Variants in TMEM143 observed in about 807,000 individuals in gnomAD.
The protein encoded by TMEM143 is transmembrane protein 143.
In TMEM143, 45 loss-of-function variants were observed where a neutral mutation model predicts 40.3. The observed-to-expected ratio is 1.12, with a 90% CI of 0.88 to 1.43. TMEM143 has a LOEUF of 1.43. Ranked by LOEUF, TMEM143 falls within the 40% of genes most tolerant of loss-of-function variation. The pLI, the probability that TMEM143 is intolerant of heterozygous loss-of-function variation, is 0.00. For synonymous variants in TMEM143, 299 were observed against 282.7 expected (o/e 1.06, Z -0.58); for missense variants, 620 against 613.4 (o/e 1.01, Z -0.11).
At chr19:48,355,669 G>A (rs1202181023) in intron 3 of TMEM143, among the ~76,000 whole-genome samples, 2 of 152,228 alleles carry the variant, frequency 1.3e-5, no homozygotes, top group Non-Finnish European at 1.5e-5. Flanking sequence ...GGGATGTGGC[G>A]AGGGGTGAAT....
At chr19:48,352,207 A>G (rs1272376980) in intron 3 of TMEM143, among the ~76,000 whole-genome samples, 1 of 120,514 alleles carries the variant, frequency 8.3e-6, no homozygotes, top group Non-Finnish European at 1.6e-5. Flanking sequence ...AGATCAAGCC[A>G]CTGCCCTCCA....
chr19:48,358,597 A>G (rs1969964789), intron 3 of TMEM143, among the ~76,000 whole-genome samples: 1 of 151,942 alleles, frequency 6.6e-6, no homozygotes, highest in Non-Finnish European at 1.5e-5. Context: ...CTTCCTCCCC[A>G]GAACACCCCC....
At chr19:48,339,685 G>A (rs1475339192) in intron 6 of TMEM143, among the ~76,000 whole-genome samples, 1 of 152,112 alleles carries the variant, frequency 6.6e-6, no homozygotes, top group African/African-American at 2.4e-5. Context: ...GAGGGGACCA[G>A]CCAGGAGGGA....
chr19:48,358,679 A>G (rs1317502409), intron 3 of TMEM143, among the ~76,000 whole-genome samples: 3 of 152,120 alleles, frequency 2.0e-5, no homozygotes, highest in African/African-American at 4.8e-5. Flanking sequence ...CACCATTTCC[A>G]TCGCTATTAC....
At chr19:48,360,395 T>C (rs1224396650) in intron 2 of TMEM143, 1 of 469,590 alleles carries the variant, frequency 2.1e-6, no homozygotes, top group Non-Finnish European at 3.9e-6. Flanking sequence ...GTGGCCAACA[T>C]GGTGAAATCC....
chr19:48,333,505 G>T lies in TMEM143; in HGVS notation c.1166-72C>A. On this transcript the variant is annotated intron_variant, in intron 7 of 7. Transcript: ENST00000293261. The surrounding 1 kb of genome is among the most constrained non-coding windows in gnomAD (Gnocchi z 4.1). Reference sequence around the variant, plus strand: ...AAGATTCGAGGGAGCAGCAAGGAGGGGCGTAGGGCAAAGAACAGGAAGGGC... The same window carrying T: ...AAGATTCGAGGGAGCAGCAAGGAGGTGCGTAGGGCAAAGAACAGGAAGGGC... 1 of 1,070,216 alleles carries T rather than the reference G, an allele frequency of 9.3e-7. No homozygotes were observed. Among genetic ancestry groups the T allele is most frequent in the Non-Finnish European group, 1.4e-6 (1 of 726,238 alleles). 66.3% of individuals were successfully genotyped at this position (1,070,216 alleles called of 1,614,324 possible).
At position 48,333,506 on chromosome 19, in the gene TMEM143, G is replaced by A; in HGVS notation, c.1166-73C>T. The A allele has an allele frequency of 9.4e-7, 1 of 1,065,316 alleles. No individual in the cohort carries two copies. Among genetic ancestry groups the A allele is most frequent in the South Asian group, 1.5e-5 (1 of 68,188 alleles). 66.0% of individuals were successfully genotyped at this position (1,065,316 alleles called of 1,614,324 possible). A position where few individuals can be genotyped will look rare whatever the true frequency, so the allele number is the denominator to read the frequency against. On this transcript the variant is annotated intron_variant, in intron 7 of 7. Transcript: ENST00000293261. The surrounding 1 kb of genome is among the most constrained non-coding windows in gnomAD (Gnocchi z 4.1). ...AGATTCGAGGGAGCAGCAAGGAGGG[G>A]CGTAGGGCAAAGAACAGGAAGGGCC...
At chr19:48,346,603 A>C (rs1211339166) in intron 3 of TMEM143, among the ~76,000 whole-genome samples, 1 of 151,904 alleles carries the variant, frequency 6.6e-6, no homozygotes, top group East Asian at 1.9e-4. Context: ...TTTGAGACAG[A>C]GTCTCACTCT....
chr19:48,340,365 T>C (rs1159723185), intron 6 of TMEM143, among the ~76,000 whole-genome samples: 1 of 151,842 alleles, frequency 6.6e-6, no homozygotes, highest in Non-Finnish European at 1.5e-5. Flanking sequence ...GACCTCGTGA[T>C]CCACCCGCCT....
intron 3 of TMEM143, among the ~76,000 whole-genome samples, chr19:48,350,934 A>T (rs1969755539): frequency 6.6e-6 from 1 of 151,694 alleles, no homozygotes; most frequent in Non-Finnish European, 1.5e-5. Context: ...AAAAAAAAAA[A>T]AAAAAAAAAA....
chr19:48,362,254 T>C (rs1479931026), intron 2 of TMEM143, among the ~76,000 whole-genome samples: 1 of 152,074 alleles, frequency 6.6e-6, no homozygotes, highest in Admixed American at 6.6e-5. Flanking sequence ...AATTAATGAA[T>C]GATGGTGAGG....
chr19:48,359,356 G>A (rs1348889130), intron 3 of TMEM143, among the ~76,000 whole-genome samples: 1 of 151,628 alleles, frequency 6.6e-6, no homozygotes, highest in African/African-American at 2.4e-5. Context: ...CAGGGCCTTT[G>A]CACTTGCTCT....
At chr19:48,334,474 C>CTTTCTT (rs1969316687) in intron 6 of TMEM143, among the ~76,000 whole-genome samples, 1 of 47,864 alleles carries the variant, frequency 2.1e-5, no homozygotes, top group African/African-American at 6.2e-5. Flanking sequence ...TTCTTTCTTT[C>CTTTCTT]TTTCTTTTTC....
intron 3 of TMEM143, among the ~76,000 whole-genome samples, chr19:48,355,982 T>G (rs550713927): frequency 1.1e-4 from 16 of 152,348 alleles, no homozygotes; most frequent in Non-Finnish European, 1.2e-4. Context: ...GCATCCCTGG[T>G]TGGCAGTACT....
intron 2 of TMEM143, chr19:48,360,516 T>C: frequency 3.7e-6 from 1 of 269,904 alleles, no homozygotes; most frequent in South Asian, 3.5e-5. Context: ...AGGCGGAGGC[T>C]GCAGTGAGTC....
intron 1 of TMEM143, 40 bp downstream of exon 1, chr19:48,363,858 C>T (rs780002893): frequency 1.7e-5 from 28 of 1,613,592 alleles, no homozygotes; most frequent in Middle Eastern, 1.6e-4. Flanking sequence ...GGTGCAGGGC[C>T]GCCCTCCCTG....
chr19:48,334,650 A>T (rs1371041539), intron 6 of TMEM143, among the ~76,000 whole-genome samples: 1 of 139,832 alleles, frequency 7.2e-6, no homozygotes, highest in African/African-American at 2.7e-5. Context: ...GGCTATTCAC[A>T]GGCAAACTCA....
chr19:48,352,262 A>AAAAAAAAACAAAAAAAAAAACAAAC (rs74518287), intron 3 of TMEM143, among the ~76,000 whole-genome samples: 41 of 145,186 alleles, frequency 2.8e-4, no homozygotes, highest in African/African-American at 9.5e-4. Context: ...AAAAAAAAAA[A>AAAAAAAAACAAAAAAAAAAACAAAC]CACCATATCT....
intron 6 of TMEM143, among the ~76,000 whole-genome samples, chr19:48,338,539 G>A (rs974069978): frequency 4.6e-5 from 7 of 152,262 alleles, no homozygotes; most frequent in African/African-American, 1.7e-4. Flanking sequence ...CACCCCTGGT[G>A]TGTTCTTGGA....
Sources: gnomAD v4.1 joint callset for allele counts (sites outside exome capture counted in the v4.1 genomes callset) on GRCh38, gnomAD v4.1.1 for gene constraint, Gnocchi (gnomAD v3.1) non-coding constraint, MANE v1.5 for transcripts, NCBI Gene and HGNC (gene_info 2026-07-23, HGNC 2026-07-21) for gene names.